ALK: variants seen among roughly 807,000 people sequenced by gnomAD.
ALK encodes ALK tyrosine kinase receptor.
ALK carries 74 observed loss-of-function variants against 163.1 expected under a neutral mutation model. The observed-to-expected ratio is 0.45, with a 90% CI of 0.38 to 0.55. ALK has a LOEUF of 0.55. Ranked by LOEUF, ALK falls within the 20% of genes least tolerant of loss-of-function variation. The probability of loss-of-function intolerance (pLI) is 0.00; values close to 1 mark genes in which losing one functional copy is unlikely to be tolerated. For synonymous variants in ALK, 960 were observed against 843.2 expected, an observed-to-expected ratio of 1.14 and a Z score of -2.40; for missense variants, 2,063 against 2,105.3, an observed-to-expected ratio of 0.98 and a Z score of 0.39.
chr2:29,906,955 T>TG, intron 1 of ALK, among the ~76,000 whole-genome samples: 1 of 140,404 alleles, frequency 7.1e-6, no homozygotes, highest in African/African-American at 2.7e-5. Flanking sequence ...TTTTTTTTTT[T>TG]TTTTTTTTTT....
rs76929568 is a variant in ALK at position 29,305,056 on chromosome 2, T to G, written c.1648-7999A>C. 4.7e-3 allele frequency among the ~76,000 whole-genome samples: 711 copies of G among 152,296 alleles called. 5 individuals carry two copies. Among genetic ancestry groups the G allele is most frequent in the African/African-American group, 0.016 (665 of 41,570 alleles). ...ACGTGTTTCTAAAGTGCAGCCTGGG[T>G]AGAGACCTCTGGGGAGCTGGGTTAC... On this transcript the variant is annotated intron_variant, in intron 8 of 28. Coordinates refer to ENST00000389048, the MANE Select transcript of ALK (RefSeq NM_004304.5).
In ALK at chr2:29,438,289, C is replaced by A. The variant is rs1670453875; in HGVS notation, c.1155-54430G>T. On this transcript the variant is annotated intron_variant, in intron 4 of 28. Coordinates refer to ENST00000389048, the MANE Select transcript of ALK (RefSeq NM_004304.5). ...AGATGTAAGTTCAAAGTTCAAACAT[C>A]TTATAAGTATTAGAGTTTGAACCAG... is the stretch of plus-strand genomic sequence containing the variant. 2.6e-5 allele frequency among the ~76,000 whole-genome samples: 4 copies of A among 152,326 alleles called. No homozygotes were observed. In the South Asian group the frequency reaches 8.3e-4, roughly 32 times the overall value.
chr2:29,224,740 G>A (rs1663894637), intron 19 of ALK: 1 of 216,840 alleles, frequency 4.6e-6, no homozygotes, highest in African/African-American at 2.3e-5. Flanking sequence ...TGCAACAAGT[G>A]TTAGCTCCTA....
At chr2:29,890,070 A>C (rs1407745268) in intron 1 of ALK, among the ~76,000 whole-genome samples, 1 of 152,222 alleles carries the variant, frequency 6.6e-6, no homozygotes, top group African/African-American at 2.4e-5. Flanking sequence ...ATCTGCAAGT[A>C]GGAGAGAGAC....
chr2:29,298,850 C>T (rs192870279), intron 8 of ALK, among the ~76,000 whole-genome samples: 26 of 152,290 alleles, frequency 1.7e-4, no homozygotes, highest in Non-Finnish European at 3.1e-4. Flanking sequence ...CATTTTCTCT[C>T]CCCCAGTCCT....
chr2:29,216,073 G>C (rs1669597173), intron 23 of ALK, among the ~76,000 whole-genome samples: 1 of 152,200 alleles, frequency 6.6e-6, no homozygotes, highest in Non-Finnish European at 1.5e-5. Flanking sequence ...CCTCTGCACA[G>C]GCGGGCAGCA....
chr2:29,759,826 A>T (rs1025790717), intron 1 of ALK, among the ~76,000 whole-genome samples: 1 of 152,226 alleles, frequency 6.6e-6, no homozygotes, highest in African/African-American at 2.4e-5. Context: ...CCATTGTCAC[A>T]TTAATTCATT....
intron 9 of ALK, among the ~76,000 whole-genome samples, chr2:29,296,093 T>C (rs982479006): frequency 2.6e-5 from 4 of 152,204 alleles, no homozygotes; most frequent in Admixed American, 1.3e-4. Flanking sequence ...GAACACTCCA[T>C]GGTTCCTGCT....
chr2:29,454,283 G>T (rs1047039305), intron 4 of ALK, among the ~76,000 whole-genome samples: 4 of 152,142 alleles, frequency 2.6e-5, no homozygotes, highest in African/African-American at 9.7e-5. Flanking sequence ...ATTCAAGAAT[G>T]CTCAAGTCTT....
chr2:29,400,174 G>C (rs1018546353), intron 4 of ALK, among the ~76,000 whole-genome samples: 1 of 151,804 alleles, frequency 6.6e-6, no homozygotes, highest in Non-Finnish European at 1.5e-5. Flanking sequence ...ATTTTTTTTC[G>C]TTCATTTTCA....
At chr2:29,286,074 C>G (rs1261959506) in intron 9 of ALK, among the ~76,000 whole-genome samples, 1 of 152,202 alleles carries the variant, frequency 6.6e-6, no homozygotes, top group East Asian at 1.9e-4. Context: ...TTCTCTAAGA[C>G]TTAAATTTTC....
intron 3 of ALK, among the ~76,000 whole-genome samples, chr2:29,603,508 C>A (rs1343299690): frequency 6.6e-6 from 1 of 152,072 alleles, no homozygotes; most frequent in African/African-American, 2.4e-5. Flanking sequence ...ATGTTAATGC[C>A]AGTTAGTTGT....
chr2:29,602,833 G>A (rs976423245), intron 3 of ALK, among the ~76,000 whole-genome samples: 21 of 152,322 alleles, frequency 1.4e-4, no homozygotes, highest in South Asian at 1.0e-3. Context: ...ACTGTATTCC[G>A]AGCCAGATGT....
In ALK at chr2:29,653,998, C is replaced by T. The variant is rs574544202; in HGVS notation, c.952+40852G>A. Among the ~76,000 whole-genome samples, 132 of 152,168 alleles carry T rather than the reference C, an allele frequency of 8.7e-4. 1 individual carries two copies. The highest frequency in any genetic ancestry group is 1.6e-3 in the Non-Finnish European group (111 of 67,998). On this transcript the variant is annotated intron_variant, in intron 3 of 28. Coordinates refer to ENST00000389048, the MANE Select transcript of ALK (RefSeq NM_004304.5). ...CATTTGAACCCAGGAAGGGAGGTTGCGGTGAGCTGAGATGGCACCACTGCA... is the reference window on the plus strand; with the variant it reads ...CATTTGAACCCAGGAAGGGAGGTTGTGGTGAGCTGAGATGGCACCACTGCA...
chr2:29,760,850 T>C (rs539956892), intron 1 of ALK, among the ~76,000 whole-genome samples: 22 of 152,212 alleles, frequency 1.4e-4, no homozygotes, highest in Non-Finnish European at 2.2e-4. Flanking sequence ...CACCTCAACA[T>C]GCTCTGCCTC....
chr2:29,754,656 C>A (rs1460193826), intron 1 of ALK, among the ~76,000 whole-genome samples: 2 of 151,936 alleles, frequency 1.3e-5, no homozygotes, highest in Non-Finnish European at 2.9e-5. Context: ...CACCACCACA[C>A]TCCAGCCTGG....
chr2:29,773,210 A>G lies in ALK; in HGVS notation c.668-55513T>C, dbSNP rs76674414. 4.7e-3 allele frequency among the ~76,000 whole-genome samples: 717 copies of G among 151,104 alleles called. 6 individuals are homozygous for G. The highest frequency in any genetic ancestry group is 0.016 in the African/African-American group (668 of 40,844). On this transcript the variant is annotated intron_variant, in intron 1 of 28. Transcript: ENST00000389048. ...AAATTGTACACTACACATCTTTTCT[A>G]TCAGTAAAATACACAGTAAATGTAC...
At chr2:29,752,119 G>A (rs2148331524) in intron 1 of ALK, among the ~76,000 whole-genome samples, 1 of 152,232 alleles carries the variant, frequency 6.6e-6, no homozygotes, top group African/African-American at 2.4e-5. Context: ...ATGATCTTCT[G>A]ACTTTATGAT....
chr2:29,357,178 G>A (rs183345261), intron 5 of ALK, among the ~76,000 whole-genome samples: 12 of 152,302 alleles, frequency 7.9e-5, no homozygotes, highest in East Asian at 7.7e-4. Context: ...TGAGGAATAC[G>A]AGCTAACCCA....
Sources: gnomAD v4.1 joint callset for allele counts (sites outside exome capture counted in the v4.1 genomes callset) on GRCh38, gnomAD v4.1.1 for gene constraint, MANE v1.5 for transcripts, NCBI Gene and HGNC (gene_info 2026-07-23, HGNC 2026-07-21) for gene names.